The following VDR variants were observed in gnomAD, a reference collection of about 807,000 sequenced individuals.
VDR encodes vitamin D3 receptor.
VDR carries 19 observed loss-of-function variants against 39.7 expected under a neutral mutation model. The ratio of observed to expected loss-of-function variants is 0.48; its 90% CI spans 0.33 to 0.70. The LOEUF is 0.70. VDR is among the 30% of genes least tolerant of loss of function. VDR has a pLI of 0.02. For synonymous variants in VDR, 242 were observed against 215.8 expected (o/e 1.12, Z -1.07); for missense variants, 442 against 570.5 (o/e 0.77, Z 2.29).
chr12:47,873,834 G>A (rs988782215), intron 3 of VDR, among the ~76,000 whole-genome samples: 1 of 152,154 alleles, frequency 6.6e-6, no homozygotes, highest in African/African-American at 2.4e-5. Flanking sequence ...GGAGCATGAA[G>A]CAGAGGCTGT....
chr12:47,865,857 C>T (rs141431108), intron 3 of VDR, among the ~76,000 whole-genome samples: 1,868 of 151,396 alleles, frequency 0.012, 41 homozygotes, highest in African/African-American at 0.043. Context: ...GGACTACAGG[C>T]GCCCGCCACC....
chr12:47,898,485 G>A (rs559562243), intron 1 of VDR: 1 of 152,472 alleles, frequency 6.6e-6, no homozygotes, highest in African/African-American at 2.4e-5. Flanking sequence ...TTCCATGGGA[G>A]GCAGCAATTC....
chr12:47,860,908 T>A (rs934033310), intron 4 of VDR, among the ~76,000 whole-genome samples: 3 of 152,236 alleles, frequency 2.0e-5, no homozygotes, highest in Non-Finnish European at 2.9e-5. Context: ...ATAAAGAGTT[T>A]TTCTATCTAT....
At chr12:47,854,963 T>G (rs1206988844) in intron 7 of VDR, among the ~76,000 whole-genome samples, 1 of 152,190 alleles carries the variant, frequency 6.6e-6, no homozygotes, top group South Asian at 2.1e-4. Flanking sequence ...GAGGCTGAGG[T>G]GGGTGGATCA....
chr12:47,901,838 G>A (rs150562867), intron 1 of VDR, among the ~76,000 whole-genome samples: 213 of 152,334 alleles, frequency 1.4e-3, no homozygotes, highest in Non-Finnish European at 2.6e-3. Flanking sequence ...TGAGGTTGGG[G>A]TGGGGCAGGA....
At chr12:47,871,539 C>G (rs1347222268) in intron 3 of VDR, among the ~76,000 whole-genome samples, 1 of 150,650 alleles carries the variant, frequency 6.6e-6, no homozygotes, top group Non-Finnish European at 1.5e-5. Flanking sequence ...TCTGGGCTCA[C>G]TGCAACCTCT....
chr12:47,846,890 A>G, intron 7 of VDR, 82 bp from the exon 8 acceptor site: 1 of 1,542,948 alleles, frequency 6.5e-7, no homozygotes, highest in Admixed American at 1.7e-5. Context: ...TTTGACAGGT[A>G]TACACCTGCT....
At chr12:47,863,941 C>A (rs1374072957) in intron 4 of VDR, among the ~76,000 whole-genome samples, 6 of 152,170 alleles carry the variant, frequency 3.9e-5, no homozygotes, top group Admixed American at 3.9e-4. Flanking sequence ...GTGACTTATC[C>A]TCTGTCCCTG....
Position 47,857,543 on chromosome 12 carries a change from C to A in VDR, c.423G>T (p.Lys141Asn). The A allele has an allele frequency of 6.2e-7, 1 of 1,614,218 alleles. No homozygotes were observed. The highest frequency in any genetic ancestry group is 8.5e-7 in the Non-Finnish European group (1 of 1,180,052). ...AGTCGGAGTAGGTGGGGTCGTAGGT[C>A]TTATGGTGGGCGTCCAGCAGTATGG... Reference protein sequence around the residue: ...IIAILLDAHHKTYDPTYSDFC... With the variant: ...IIAILLDAHHNTYDPTYSDFC... Residue 141 changes from lysine to asparagine, a missense_variant, in exon 5 of 10, where the codon AAG (lysine) becomes AAT (asparagine). Lys to Asn is a moderately conservative substitution (Grantham distance 94). This residue lies in a region of VDR where 46 missense variants were observed against 82.0 expected (regional missense o/e 0.56). Transcript: ENST00000549336.
chr12:47,879,449 G>A (rs536893810), intron 2 of VDR, among the ~76,000 whole-genome samples: 2 of 152,212 alleles, frequency 1.3e-5, no homozygotes, highest in African/African-American at 4.8e-5. Flanking sequence ...TACTTCCAGG[G>A]TGTAAGGATC....
chr12:47,849,836 T>A (rs1945350330), intron 7 of VDR, among the ~76,000 whole-genome samples: 1 of 147,306 alleles, frequency 6.8e-6, no homozygotes, highest in Non-Finnish European at 1.5e-5. Flanking sequence ...TCTTCCTATC[T>A]TTTTTTCTTA....
At position 47,847,325 on chromosome 12, in the gene VDR, G is replaced by A. The variant is rs11574102; in HGVS notation, c.756-517C>T. The stretch of plus-strand genomic sequence containing the variant: ...CAGAGCTCCAGCGTCTTTTCCAATA[G>A]CCTCTTACAGGAATCCCAGACTTGT... On this transcript the variant is annotated intron_variant, in intron 7 of 9. Coordinates refer to ENST00000549336, the MANE Select transcript of VDR (RefSeq NM_000376.3). 3.8e-3 allele frequency among the ~76,000 whole-genome samples: 576 copies of A among 151,806 alleles called. 8 individuals carry two copies. Among genetic ancestry groups the A allele is most frequent in the African/African-American group, 0.013 (523 of 41,218 alleles).
intron 1 of VDR, among the ~76,000 whole-genome samples, chr12:47,901,945 C>T (rs1009789733): frequency 2.6e-5 from 4 of 152,120 alleles, no homozygotes; most frequent in Non-Finnish European, 5.9e-5. Context: ...GCAGTGCCGC[C>T]CCAGGGAAAA....
At chr12:47,872,483 C>T (rs1390201126) in intron 3 of VDR, among the ~76,000 whole-genome samples, 1 of 152,182 alleles carries the variant, frequency 6.6e-6, no homozygotes, top group Non-Finnish European at 1.5e-5. Flanking sequence ...TCTCTGGGTG[C>T]CTAGCATGGG....
intron 7 of VDR, among the ~76,000 whole-genome samples, chr12:47,851,108 T>A (rs1945380105): frequency 6.6e-6 from 1 of 152,128 alleles, no homozygotes; most frequent in African/African-American, 2.4e-5. Context: ...CCCCCAGGGC[T>A]CTTCCCTAGG....
chr12:47,846,521 G>T, intron 8 of VDR, 70 bp from the exon 9 acceptor site: 1 of 1,548,230 alleles, frequency 6.5e-7, no homozygotes. Context: ...AACCCCATGG[G>T]TCTGACCCTC....
At chr12:47,857,354 G>A (rs1035767128) in intron 5 of VDR, 105 bp from the exon 6 acceptor site, 57 of 1,605,582 alleles carry the variant, frequency 3.6e-5, no homozygotes, top group Middle Eastern at 3.3e-4. Context: ...ACAGGAAGGC[G>A]AAGCCTCCCA....
intron 4 of VDR, among the ~76,000 whole-genome samples, chr12:47,860,456 T>C (rs978441461): frequency 6.6e-6 from 1 of 152,310 alleles, no homozygotes; most frequent in South Asian, 2.1e-4. Context: ...TCCTGCAATG[T>C]AGTGAATGGC....
chr12:47,858,274 CT>C (rs1159612593), intron 4 of VDR, among the ~76,000 whole-genome samples: 2 of 152,204 alleles, frequency 1.3e-5, no homozygotes, highest in Non-Finnish European at 2.9e-5. Context: ...TGCCAGAGCT[CT>C]CATAGCGCTG....
Sources: allele counts gnomAD v4.1 joint callset (sites outside exome capture counted in the v4.1 genomes callset), GRCh38; gene constraint gnomAD v4.1.1; regional missense constraint gnomAD v4.1.1; transcripts MANE v1.5; gene names NCBI Gene and HGNC (gene_info 2026-07-23, HGNC 2026-07-21).